Variants in SIK3 observed in about 807,000 individuals in gnomAD.
SIK3 encodes serine/threonine-protein kinase SIK3.
In SIK3, 28 loss-of-function variants were observed where a neutral mutation model predicts 144.2. The observed-to-expected ratio is 0.19, with a 90% CI of 0.14 to 0.27. The LOEUF is 0.27. SIK3 is among the 10% of genes least tolerant of loss of function. SIK3 has a pLI of 1.00. For synonymous variants in SIK3, 686 were observed against 676.3 expected (o/e 1.01, Z -0.22); for missense variants, 1,319 against 1,776.0 (o/e 0.74, Z 4.62).
At chr11:117,080,765 T>C (rs542906981) in intron 1 of SIK3, among the ~76,000 whole-genome samples, 4 of 152,034 alleles carry the variant, frequency 2.6e-5, no homozygotes, top group Admixed American at 6.6e-5. Flanking sequence ...CAAGCCAACA[T>C]GGTGAAACCC....
At chr11:116,896,059 G>C (rs1555085295) in intron 6 of SIK3, among the ~76,000 whole-genome samples, 194 bp downstream of exon 6, 1 of 152,150 alleles carries the variant, frequency 6.6e-6, no homozygotes, top group Non-Finnish European at 1.5e-5. Flanking sequence ...TCAAACCCAA[G>C]TAGGGCTCTC....
At chr11:116,999,111 T>C (rs10502223) in intron 1 of SIK3, among the ~76,000 whole-genome samples, 8,633 of 152,274 alleles carry the variant, frequency 0.057, 522 homozygotes, top group African/African-American at 0.15. Context: ...ATGAAAAATA[T>C]AGTTTCACAA....
chr11:117,010,699 T>G (rs1242429967), intron 1 of SIK3, among the ~76,000 whole-genome samples: 1 of 151,656 alleles, frequency 6.6e-6, no homozygotes, highest in African/African-American at 2.4e-5. Context: ...CCCACTTCAT[T>G]AAAATGACTG....
At chr11:116,972,189 T>C (rs1949787198) in intron 1 of SIK3, among the ~76,000 whole-genome samples, 1 of 152,180 alleles carries the variant, frequency 6.6e-6, no homozygotes, top group South Asian at 2.1e-4. Context: ...CAGATGTTTC[T>C]GAGACACCTA....
At chr11:116,923,708 C>A (rs1361230619) in intron 4 of SIK3, among the ~76,000 whole-genome samples, 1 of 152,154 alleles carries the variant, frequency 6.6e-6, no homozygotes, top group Admixed American at 6.5e-5. Flanking sequence ...TAAAAATGTA[C>A]GCTTTGGGTT....
chr11:117,027,229 C>A (rs1952049202), intron 1 of SIK3, among the ~76,000 whole-genome samples: 1 of 152,204 alleles, frequency 6.6e-6, no homozygotes, highest in Non-Finnish European at 1.5e-5. Flanking sequence ...TCTGCTCTAA[C>A]TATACATCTC....
At chr11:117,029,766 G>A (rs1376935033) in intron 1 of SIK3, among the ~76,000 whole-genome samples, 1 of 152,006 alleles carries the variant, frequency 6.6e-6, no homozygotes, top group Non-Finnish European at 1.5e-5. Context: ...TGAAGTTAGT[G>A]TGGTTGGATA....
intron 11 of SIK3, among the ~76,000 whole-genome samples, chr11:116,874,408 G>A (rs923591380): frequency 4.9e-4 from 75 of 152,190 alleles, no homozygotes; most frequent in African/African-American, 1.8e-3. Context: ...GATAATGGCT[G>A]CCTGAAGTAG....
At chr11:116,888,963 ATC>A (rs1257695816) in intron 6 of SIK3, among the ~76,000 whole-genome samples, 1 of 152,200 alleles carries the variant, frequency 6.6e-6, no homozygotes, top group Non-Finnish European at 1.5e-5. Context: ...TTCAGTAAGA[ATC>A]TCTTGCCATG....
At chr11:116,993,538 C>T (rs988918999) in intron 1 of SIK3, among the ~76,000 whole-genome samples, 9 of 152,032 alleles carry the variant, frequency 5.9e-5, no homozygotes, top group Middle Eastern at 6.8e-3. Context: ...TTTTTTTCTT[C>T]CCATCCTTCT....
At chr11:116,981,577 G>A (rs1025388945) in intron 1 of SIK3, among the ~76,000 whole-genome samples, 3 of 152,202 alleles carry the variant, frequency 2.0e-5, no homozygotes, top group Non-Finnish European at 4.4e-5. Context: ...AAGAGCAGGA[G>A]TCAGGAAATA....
At chr11:116,847,748 C>A in intron 22 of SIK3, 140 bp from the exon 23 acceptor site, 1 of 963,050 alleles carries the variant, frequency 1.0e-6, no homozygotes, top group Middle Eastern at 2.6e-4. Context: ...TCTAAAGCAC[C>A]ACCCAAAGGG....
intron 1 of SIK3, 101 bp from the exon 2 acceptor site, chr11:116,957,165 G>T: frequency 1.7e-6 from 1 of 573,188 alleles, no homozygotes. Context: ...TAAAATATAA[G>T]CTGCCAGTAT....
chr11:116,891,324 A>T (rs1186122245), intron 6 of SIK3, among the ~76,000 whole-genome samples: 3 of 152,168 alleles, frequency 2.0e-5, no homozygotes, highest in Admixed American at 2.0e-4. Context: ...CTCAAAAAAA[A>T]GTCTTTTGTT....
intron 1 of SIK3, among the ~76,000 whole-genome samples, chr11:117,050,321 T>C (rs1038676448): frequency 2.3e-4 from 34 of 149,604 alleles, no homozygotes; most frequent in African/African-American, 8.1e-4. Context: ...GATATCACCA[T>C]TGGTGAAAGT....
At chr11:117,003,641 A>C (rs1377666408) in intron 1 of SIK3, among the ~76,000 whole-genome samples, 1 of 152,178 alleles carries the variant, frequency 6.6e-6, no homozygotes, top group Non-Finnish European at 1.5e-5. Flanking sequence ...TTAAATATAT[A>C]TATTTATTCA....
intron 5 of SIK3, 102 bp downstream of exon 5, chr11:116,897,091 C>A: frequency 1.8e-6 from 2 of 1,140,764 alleles, no homozygotes; most frequent in Non-Finnish European, 1.2e-6. Context: ...TGACCAGGAT[C>A]TCAATTCATG....
intron 4 of SIK3, among the ~76,000 whole-genome samples, chr11:116,905,456 T>C (rs1164429964): frequency 1.3e-5 from 2 of 152,218 alleles, no homozygotes; most frequent in Non-Finnish European, 2.9e-5. Flanking sequence ...TTCATTTCTC[T>C]TGGATATATA....
chr11:116,909,250 G>T (rs1246231202), intron 4 of SIK3, among the ~76,000 whole-genome samples: 1 of 151,538 alleles, frequency 6.6e-6, no homozygotes. Context: ...ATTATATTCA[G>T]TATAAATGGC....
Sources: allele counts gnomAD v4.1 joint callset (sites outside exome capture counted in the v4.1 genomes callset), GRCh38; gene constraint gnomAD v4.1.1; transcripts MANE v1.5; gene names NCBI Gene and HGNC (gene_info 2026-07-23, HGNC 2026-07-21).